ADPGK: variants seen among roughly 807,000 people sequenced by gnomAD.
ADPGK encodes the protein ADP-dependent glucokinase.
Under a neutral mutation model 42.4 loss-of-function variants are expected in ADPGK, and 26 were observed. The ratio of observed to expected loss-of-function variants is 0.61; its 90% CI spans 0.45 to 0.85. The LOEUF (loss-of-function observed/expected upper bound fraction) is 0.85, where lower values mean the gene tolerates loss of function less well. ADPGK is among the 40% of genes least tolerant of loss of function. The pLI, the probability that ADPGK is intolerant of heterozygous loss-of-function variation, is 0.00. For missense variants in ADPGK, 571 were observed against 627.0 expected, an observed-to-expected ratio of 0.91 and a Z score of 0.95; for synonymous variants, 267 against 252.6, an observed-to-expected ratio of 1.06 and a Z score of -0.54.
At chr15:72,783,296 A>AC (rs2151099838) in intron 1 of ADPGK, 163 bp downstream of exon 1, 1 of 1,263,536 alleles carries the variant, frequency 7.9e-7, no homozygotes, top group Non-Finnish European at 9.9e-7. Context: ...AGCAGCGGTG[A>AC]CGAACCGGGT....
At chr15:72,769,350 G>A (rs1043371666) in intron 3 of ADPGK, among the ~76,000 whole-genome samples, 9 of 152,250 alleles carry the variant, frequency 5.9e-5, no homozygotes, top group Non-Finnish European at 1.3e-4. Context: ...AATTCCACAA[G>A]TATATATTTT....
chr15:72,763,318 A>AT (rs34099103), intron 3 of ADPGK, among the ~76,000 whole-genome samples: 3,403 of 123,632 alleles, frequency 0.028, 86 homozygotes, highest in Middle Eastern at 0.043. Flanking sequence ...CACTCGGCTA[A>AT]TTTTTTTTTT....
chr15:72,775,072 GCAC>G lies in ADPGK; in HGVS notation c.256_258del (p.Val86del). ...GCCTGCAAGAGCTTCACCCCTGAGA[GCAC>G]CACATCAACACATGCATTGACTCTA... On this transcript the variant is annotated inframe_deletion, in exon 2 of 7. Transcript: ENST00000456471. The G allele has an allele frequency of 6.2e-7, 1 of 1,614,088 alleles. No individual in the cohort carries two copies. The highest frequency in any genetic ancestry group is 8.5e-7 in the Non-Finnish European group (1 of 1,180,008).
chr15:72,777,046 A>G (rs2066400335), intron 1 of ADPGK, among the ~76,000 whole-genome samples: 1 of 152,224 alleles, frequency 6.6e-6, no homozygotes, highest in Non-Finnish European at 1.5e-5. Context: ...CTGGACATGC[A>G]CGTGGCAGTT....
In ADPGK at chr15:72,771,816, A is replaced by G. The variant is rs774532832; in HGVS notation, c.489T>C (p.Ile163=). The G allele has an allele frequency of 3.1e-6, 5 of 1,613,326 alleles. No homozygotes were observed. In the Admixed American group the frequency reaches 8.3e-5, roughly 27 times the overall value. The change falls in exon 3 of 7, where the codon ATT becomes ATC. Residue 163 remains isoleucine (I), a synonymous_variant. Coordinates refer to ENST00000456471, the MANE Select transcript of ADPGK (RefSeq NM_001365225.1). ...CTGAGTTGGCTGCAAATTTCTGTCC[A>G]ATTAAAGCTGCATTTCCTCCTACAT... The part of the protein sequence containing the change: ...QHYVGGNAAL[I]GQKFAANSDL...
chr15:72,758,194 G>A lies in ADPGK; in HGVS notation c.644-1747C>T, dbSNP rs887215485. Reference sequence around the variant, plus strand: ...ACACCTCCAGCATATTCATGGCCCCGTTGGAGAGGCCATGCAGGGGGCAGA... The same window carrying A: ...ACACCTCCAGCATATTCATGGCCCCATTGGAGAGGCCATGCAGGGGGCAGA... On this transcript the variant is annotated intron_variant, in intron 4 of 6. Coordinates refer to ENST00000456471, the MANE Select transcript of ADPGK (RefSeq NM_001365225.1). 4.2e-5 allele frequency: 61 copies of A among 1,454,860 alleles called. 1 individual carries two copies. The highest frequency in any genetic ancestry group is 1.4e-4 in the East Asian group (6 of 44,080). 90.1% of individuals were successfully genotyped at this position (1,454,860 alleles called of 1,614,324 possible). A position where few individuals can be genotyped will look rare whatever the true frequency, so the allele number is the denominator to read the frequency against.
intron 2 of ADPGK, 32 bp from the exon 3 acceptor site, chr15:72,771,877 T>G (rs1459555951): frequency 1.3e-6 from 2 of 1,535,526 alleles, no homozygotes; most frequent in Non-Finnish European, 1.8e-6. Context: ...TTAGACAGTA[T>G]TTTAATACAA....
intron 1 of ADPGK, 160 bp from the exon 2 acceptor site, chr15:72,775,257 A>G (rs2066377939): frequency 3.2e-6 from 2 of 622,264 alleles, no homozygotes; most frequent in Non-Finnish European, 5.6e-6. Flanking sequence ...GGCAGGAGAA[A>G]AATTACTTTA....
Position 72,752,764 on chromosome 15 carries a change from G to A in ADPGK, c.1071C>T (p.Asp357=). 6.2e-7 allele frequency: 1 copy of A among 1,614,242 alleles called. No individual in the cohort carries two copies. Among genetic ancestry groups the A allele is most frequent in the African/African-American group, 1.3e-5 (1 of 75,054 alleles). The part of the protein sequence containing the change: ...NGVPDVGMVS[D]ILFWILKEHG... ...GTTCTTTCAAGATCCAGAAGAGGAT[G>A]TCACTGACCATGCCCACATCAGGAA... Residue 357 remains aspartate (D), a synonymous_variant, in exon 7 of 7, where the codon GAC becomes GAT. Transcript: ENST00000456471.
At chr15:72,776,924 A>T (rs759544027) in intron 1 of ADPGK, among the ~76,000 whole-genome samples, 4 of 152,228 alleles carry the variant, frequency 2.6e-5, no homozygotes, top group Non-Finnish European at 5.9e-5. Flanking sequence ...AGTGCATAAA[A>T]CATCTAGCTA....
At chr15:72,764,842 T>G (rs1362604951) in intron 3 of ADPGK, among the ~76,000 whole-genome samples, 1 of 152,140 alleles carries the variant, frequency 6.6e-6, no homozygotes, top group Non-Finnish European at 1.5e-5. Context: ...TTGAAGCCAA[T>G]GCTCACTGAC....
At chr15:72,756,708 G>T in intron 4 of ADPGK, 1 of 492,614 alleles carries the variant, frequency 2.0e-6, no homozygotes, top group Non-Finnish European at 3.7e-6. Context: ...CTCCCCCTGA[G>T]TCCCAGGAGA....
intron 3 of ADPGK, among the ~76,000 whole-genome samples, chr15:72,769,082 C>T (rs2066296770): frequency 6.6e-6 from 1 of 151,872 alleles, no homozygotes; most frequent in Admixed American, 6.6e-5. Flanking sequence ...AAGAAAAATA[C>T]AGACCAATAT....
At position 72,783,717 on chromosome 15, in the gene ADPGK, G is replaced by T. The variant is rs1401589279; in HGVS notation, c.-26C>A. On this transcript the variant is annotated 5_prime_UTR_variant, in exon 1 of 7. Coordinates refer to ENST00000456471, the MANE Select transcript of ADPGK (RefSeq NM_001365225.1). Reference sequence around the variant, plus strand: ...GGGGACCCAGGCGCCGCACCTGCGCGAACCAACTCCTTTCCTAGCCCGCGC... The same window carrying T: ...GGGGACCCAGGCGCCGCACCTGCGCTAACCAACTCCTTTCCTAGCCCGCGC... 7.0e-7 allele frequency: 1 copy of T among 1,436,260 alleles called. No individual in the cohort carries two copies. Among genetic ancestry groups the T allele is most frequent in the Non-Finnish European group, 9.1e-7 (1 of 1,101,118 alleles). The allele number at this position is 1,436,260 out of a possible 1,614,324, so 89.0% of individuals were successfully genotyped here.
chr15:72,781,971 G>A (rs2066463926), intron 1 of ADPGK, among the ~76,000 whole-genome samples: 1 of 152,198 alleles, frequency 6.6e-6, no homozygotes, highest in South Asian at 2.1e-4. Flanking sequence ...CTGGCTGCAA[G>A]CTAGGAAGAG....
chr15:72,764,716 G>GT (rs1246609215), intron 3 of ADPGK, among the ~76,000 whole-genome samples: 2 of 152,196 alleles, frequency 1.3e-5, no homozygotes, highest in Non-Finnish European at 2.9e-5. Context: ...TAAAATTATT[G>GT]TAAGAAGATG....
Position 72,783,662 on chromosome 15 carries a change from CGCGTACGCG to C in ADPGK, c.21_29del (p.Ala8_Ala10del). 1 of 1,506,470 alleles carries C rather than the reference CGCGTACGCG, an allele frequency of 6.6e-7. No homozygotes were observed. Among genetic ancestry groups the C allele is most frequent in the Non-Finnish European group, 8.8e-7 (1 of 1,135,050 alleles). 93.3% of individuals were successfully genotyped at this position (1,506,470 alleles called of 1,614,324 possible). ...AGCCCACGGCCAGCGCCAGGAAGCC[CGCGTACGCG>C]GAGCCGCGCCACAGCGCCATGGGGA... is the stretch of plus-strand genomic sequence containing the variant. On this transcript the variant is annotated inframe_deletion, in exon 1 of 7. Coordinates refer to ENST00000456471, the MANE Select transcript of ADPGK (RefSeq NM_001365225.1).
chr15:72,752,923 C>T, intron 6 of ADPGK, 28 bp from the exon 7 acceptor site: 2 of 1,583,914 alleles, frequency 1.3e-6, no homozygotes, highest in Non-Finnish European at 1.7e-6. Context: ...AGGTATCTTT[C>T]TGATGGAGAT....
intron 4 of ADPGK, chr15:72,757,076 T>G (rs1440070727): frequency 6.5e-6 from 1 of 153,258 alleles, no homozygotes; most frequent in East Asian, 1.9e-4. Context: ...AGTTCCTCCC[T>G]AAACATGAAG....
Sources: allele counts gnomAD v4.1 joint callset (sites outside exome capture counted in the v4.1 genomes callset), GRCh38; gene constraint gnomAD v4.1.1; transcripts MANE v1.5; gene names NCBI Gene and HGNC (gene_info 2026-07-23, HGNC 2026-07-21).